Variants in CGNL1 observed in about 807,000 individuals in gnomAD.
The protein encoded by CGNL1 is cingulin-like protein 1.
A neutral mutation model predicts 141.2 loss-of-function variants in CGNL1; 132 were observed. The ratio of observed to expected loss-of-function variants is 0.93; its 90% CI spans 0.81 to 1.08. The LOEUF (loss-of-function observed/expected upper bound fraction) is 1.08, where lower values mean the gene tolerates loss of function less well. CGNL1 is among the 50% of genes least tolerant of loss of function. CGNL1 has a pLI of 0.00. For synonymous variants in CGNL1, 690 were observed against 622.1 expected, an observed-to-expected ratio of 1.11 and a Z score of -1.63; for missense variants, 1,870 against 1,588.6, an observed-to-expected ratio of 1.18 and a Z score of -3.01.
intron 12 of CGNL1, among the ~76,000 whole-genome samples, chr15:57,526,897 A>G (rs1355531815): frequency 6.6e-6 from 1 of 152,104 alleles, no homozygotes; most frequent in Non-Finnish European, 1.5e-5. Context: ...GGGGACAGGA[A>G]GGAAACGCAG....
At chr15:57,460,227 T>C (rs75730461) in intron 7 of CGNL1, among the ~76,000 whole-genome samples, 1,864 of 151,918 alleles carry the variant, frequency 0.012, 29 homozygotes, top group African/African-American at 0.042. Context: ...GTAAAGAAAA[T>C]TGACAACTGG....
chr15:57,394,579 T>A (rs2062582087), intron 1 of CGNL1, among the ~76,000 whole-genome samples: 1 of 152,186 alleles, frequency 6.6e-6, no homozygotes, highest in Non-Finnish European at 1.5e-5. Flanking sequence ...AAGCCACAAT[T>A]CATGAGAATT....
intron 3 of CGNL1, among the ~76,000 whole-genome samples, 191 bp from the exon 4 acceptor site, chr15:57,442,182 G>GAAAAACAAAA (rs2063196579): frequency 1.0e-5 from 1 of 96,528 alleles, no homozygotes; most frequent in Non-Finnish European, 2.0e-5. Flanking sequence ...TCATTTATTT[G>GAAAAACAAAA]AAAAAAAAAA....
chr15:57,423,054 G>C (rs904380817), intron 1 of CGNL1, among the ~76,000 whole-genome samples: 3 of 152,024 alleles, frequency 2.0e-5, no homozygotes, highest in Non-Finnish European at 2.9e-5. Context: ...GAGAAGAAGT[G>C]ACTCTTTTTG....
chr15:57,437,068 A>G (rs906635412), intron 1 of CGNL1, among the ~76,000 whole-genome samples: 4 of 151,654 alleles, frequency 2.6e-5, no homozygotes, highest in Non-Finnish European at 1.5e-5. Flanking sequence ...GCTGTTTTGC[A>G]AAGTGTTAGA....
At chr15:57,531,848 G>C in intron 14 of CGNL1, 69 bp downstream of exon 14, 2 of 992,152 alleles carry the variant, frequency 2.0e-6, no homozygotes, top group Non-Finnish European at 3.2e-6. Flanking sequence ...GGTTAATCCT[G>C]GGGCTTCAGT....
intron 8 of CGNL1, among the ~76,000 whole-genome samples, chr15:57,479,523 G>A (rs2063698900): frequency 6.6e-6 from 1 of 152,158 alleles, no homozygotes; most frequent in African/African-American, 2.4e-5. Flanking sequence ...AATTAGCTGG[G>A]CATGGTGGTG....
chr15:57,479,836 G>A (rs1331886649), intron 8 of CGNL1, among the ~76,000 whole-genome samples: 2 of 152,186 alleles, frequency 1.3e-5, no homozygotes, highest in Non-Finnish European at 2.9e-5. Flanking sequence ...GGGAGGTGGT[G>A]TGGAGAGGAA....
At chr15:57,475,623 T>C (rs1227721981) in intron 8 of CGNL1, among the ~76,000 whole-genome samples, 2 of 151,778 alleles carry the variant, frequency 1.3e-5, no homozygotes, top group Non-Finnish European at 2.9e-5. Flanking sequence ...TGAATACTTT[T>C]GACACACCAC....
chr15:57,380,392 G>A (rs1171860784), intron 1 of CGNL1, among the ~76,000 whole-genome samples: 1 of 152,146 alleles, frequency 6.6e-6, no homozygotes, highest in Non-Finnish European at 1.5e-5. Flanking sequence ...TGGTAAACAG[G>A]ATAAGGTTCC....
At chr15:57,418,192 T>C (rs1418698520) in intron 1 of CGNL1, among the ~76,000 whole-genome samples, 1 of 152,078 alleles carries the variant, frequency 6.6e-6, no homozygotes, top group African/African-American at 2.4e-5. Flanking sequence ...GTGGTGCTTA[T>C]TAAGGAGTGT....
intron 1 of CGNL1, among the ~76,000 whole-genome samples, chr15:57,386,022 T>C (rs1168230471): frequency 6.6e-5 from 10 of 152,218 alleles, no homozygotes; most frequent in Non-Finnish European, 1.3e-4. Context: ...CTTTCTTAAG[T>C]AGGGTGGAAA....
At chr15:57,517,750 G>A (rs1282923699) in intron 9 of CGNL1, among the ~76,000 whole-genome samples, 1 of 152,208 alleles carries the variant, frequency 6.6e-6, no homozygotes, top group Admixed American at 6.5e-5. Flanking sequence ...CTACTCCTGT[G>A]ATGACAGTTT....
intron 1 of CGNL1, among the ~76,000 whole-genome samples, chr15:57,411,136 G>A (rs1334519221): frequency 6.6e-6 from 1 of 152,176 alleles, no homozygotes; most frequent in Admixed American, 6.5e-5. Context: ...AGTGTCATAT[G>A]TTGGACTCCA....
intron 8 of CGNL1, among the ~76,000 whole-genome samples, chr15:57,473,877 T>A (rs1341376158): frequency 1.2e-5 from 1 of 82,514 alleles, no homozygotes; most frequent in African/African-American, 4.5e-5. Context: ...TTGAGTCACT[T>A]CTTCTTCTTC....
At chr15:57,448,613 A>C (rs1474599264) in intron 4 of CGNL1, among the ~76,000 whole-genome samples, 3 of 151,972 alleles carry the variant, frequency 2.0e-5, no homozygotes, top group African/African-American at 7.3e-5. Context: ...TGGCCAATGC[A>C]CTCCAGCCTG....
Position 57,402,390 on chromosome 15 carries a change from C to T in CGNL1, c.-16+25823C>T, listed in dbSNP as rs558355119. Among the ~76,000 whole-genome samples, 7 of 152,324 alleles carry T rather than the reference C, an allele frequency of 4.6e-5. 1 individual carries two copies. The highest frequency in any genetic ancestry group is 1.2e-4 in the African/African-American group (5 of 41,560). On this transcript the variant is annotated intron_variant, in intron 1 of 18. Transcript: ENST00000281282. ...TGCCATGCTTGCACAGCCTGCAGAA[C>T]CGTGAGCCAAGTAAACCTCTTTTCT...
At chr15:57,519,936 T>C (rs1450833895) in intron 10 of CGNL1, among the ~76,000 whole-genome samples, 2 of 152,210 alleles carry the variant, frequency 1.3e-5, no homozygotes, top group African/African-American at 2.4e-5. Flanking sequence ...TCTGCGCTCA[T>C]AGTGAATTCA....
intron 13 of CGNL1, among the ~76,000 whole-genome samples, chr15:57,529,912 C>G (rs1046541205): frequency 2.0e-5 from 3 of 152,164 alleles, no homozygotes; most frequent in Non-Finnish European, 4.4e-5. Flanking sequence ...ACTAGAATAA[C>G]CTGATTACAG....
Sources: gnomAD v4.1 joint callset for allele counts (sites outside exome capture counted in the v4.1 genomes callset) on GRCh38, gnomAD v4.1.1 for gene constraint, MANE v1.5 for transcripts, NCBI Gene and HGNC (gene_info 2026-07-23, HGNC 2026-07-21) for gene names.